PGCKA1: variants seen among roughly 807,000 people sequenced by gnomAD.
PGCKA1 encodes the protein PDCD10 and GCKIII kinases associated 1.
chr4:37,480,869 T>C, the PGCKA1 span, among the ~76,000 whole-genome samples: 1 of 152,264 alleles, frequency 6.6e-6, no homozygotes, highest in East Asian at 1.9e-4. Context: ...CTTTTGGATT[T>C]AGGCAGTTTT....
chr4:37,533,031 G>A, the PGCKA1 span, among the ~76,000 whole-genome samples: 21,073 of 151,494 alleles, frequency 0.14, 1,602 homozygotes, highest in East Asian at 0.27. Context: ...CTTTGATGAT[G>A]GGTGCACCAA....
the PGCKA1 span, among the ~76,000 whole-genome samples, chr4:37,580,813 C>T: frequency 2.6e-5 from 4 of 152,134 alleles, no homozygotes; most frequent in Non-Finnish European, 2.9e-5. Context: ...AGGTGCAAAG[C>T]CAGCCAGGCT....
At chr4:37,489,642 G>A in the PGCKA1 span, among the ~76,000 whole-genome samples, 1 of 152,226 alleles carries the variant, frequency 6.6e-6, no homozygotes, top group African/African-American at 2.4e-5. Context: ...ACTTATGTAA[G>A]GAGCACACCA....
chr4:37,583,609 T>C, the PGCKA1 span, among the ~76,000 whole-genome samples: 1 of 152,030 alleles, frequency 6.6e-6, no homozygotes, highest in African/African-American at 2.4e-5. Context: ...GCTAATTTTT[T>C]TTTATTTTTA....
the PGCKA1 span, chr4:37,591,245 G>A: frequency 2.9e-5 from 12 of 408,176 alleles, no homozygotes; most frequent in Non-Finnish European, 4.8e-5. Context: ...GTGGGTCATT[G>A]TGCCCATATC....
chr4:37,586,322 G>A, the PGCKA1 span, among the ~76,000 whole-genome samples: 140,303 of 152,152 alleles, frequency 0.92, 65,035 homozygotes, highest in Non-Finnish European at 0.98. Context: ...TAGTGCTCTC[G>A]TTTTTAATCC....
At chr4:37,463,038 C>G in the PGCKA1 span, among the ~76,000 whole-genome samples, 6 of 151,756 alleles carry the variant, frequency 4.0e-5, no homozygotes, top group Non-Finnish European at 8.8e-5. Context: ...GTCCAAACCC[C>G]TCATTTTATG....
At chr4:37,482,473 G>T in the PGCKA1 span, among the ~76,000 whole-genome samples, 3 of 152,198 alleles carry the variant, frequency 2.0e-5, no homozygotes, top group Admixed American at 1.3e-4. Context: ...ACTTGAAAGA[G>T]ATAATTTAGA....
chr4:37,482,303 T>G, the PGCKA1 span, among the ~76,000 whole-genome samples: 1 of 152,168 alleles, frequency 6.6e-6, no homozygotes, highest in Non-Finnish European at 1.5e-5. Flanking sequence ...TTGAATGGCT[T>G]TGGTCAAAAT....
At chr4:37,530,538 C>T in the PGCKA1 span, among the ~76,000 whole-genome samples, 2 of 138,810 alleles carry the variant, frequency 1.4e-5, no homozygotes, top group African/African-American at 5.5e-5. Context: ...CATGCCCCTG[C>T]ACTCCAGCCT....
At chr4:37,488,224 G>A in the PGCKA1 span, among the ~76,000 whole-genome samples, 3 of 152,170 alleles carry the variant, frequency 2.0e-5, no homozygotes, top group South Asian at 2.1e-4. Flanking sequence ...GGTCCAAAAT[G>A]TATTTATTTT....
chr4:37,460,378 G>C, the PGCKA1 span: 1 of 278,520 alleles, frequency 3.6e-6, no homozygotes, highest in Non-Finnish European at 7.1e-6. Flanking sequence ...GGGTTGAATG[G>C]TATTTCTGGT....
At chr4:37,472,981 AG>A in the PGCKA1 span, among the ~76,000 whole-genome samples, 1 of 152,224 alleles carries the variant, frequency 6.6e-6, no homozygotes, top group Non-Finnish European at 1.5e-5. Flanking sequence ...AATCTGTGGA[AG>A]GTTACAGAAT....
chr4:37,522,072 G>T, the PGCKA1 span, among the ~76,000 whole-genome samples: 46,404 of 151,794 alleles, frequency 0.31, 8,344 homozygotes, highest in African/African-American at 0.49. Context: ...CAAGGCCTAT[G>T]GCCTTGGCTC....
At chr4:37,563,048 G>A in the PGCKA1 span, among the ~76,000 whole-genome samples, 1 of 151,556 alleles carries the variant, frequency 6.6e-6, no homozygotes, top group African/African-American at 2.4e-5. Flanking sequence ...GCACACGTAG[G>A]TTCATCTACA....
chr4:37,575,701 T>G, the PGCKA1 span, among the ~76,000 whole-genome samples: 1 of 152,000 alleles, frequency 6.6e-6, no homozygotes, highest in Non-Finnish European at 1.5e-5. Flanking sequence ...AGACTTTCCC[T>G]TGTCTTCTTG....
chr4:37,461,059 G>C, the PGCKA1 span: 2 of 230,176 alleles, frequency 8.7e-6, no homozygotes, highest in South Asian at 8.8e-5. Context: ...CATATGGCTA[G>C]CCAGTTTTCC....
chr4:37,520,895 G>A, the PGCKA1 span, among the ~76,000 whole-genome samples: 1 of 152,192 alleles, frequency 6.6e-6, no homozygotes, highest in African/African-American at 2.4e-5. Context: ...GGGATTACAG[G>A]CGTGAGCCAC....
chr4:37,479,754 A>G, the PGCKA1 span, among the ~76,000 whole-genome samples: 10 of 152,180 alleles, frequency 6.6e-5, no homozygotes, highest in Non-Finnish European at 1.2e-4. Flanking sequence ...GAATGGGTAG[A>G]AATTTTTTCT....
Sources: allele counts gnomAD v4.1 joint callset (sites outside exome capture counted in the v4.1 genomes callset), GRCh38; gene constraint gnomAD v4.1.1; transcripts MANE v1.5; gene names NCBI Gene and HGNC (gene_info 2026-07-23, HGNC 2026-07-21).